Variants in SLC13A1 observed in about 807,000 individuals in gnomAD.
SLC13A1 encodes the protein Na(+)/sulfate cotransporter.
SLC13A1 carries 65 observed loss-of-function variants against 70.0 expected under a neutral mutation model. That is an observed-to-expected ratio of 0.93 (90% confidence interval 0.76 to 1.14). The LOEUF (loss-of-function observed/expected upper bound fraction) is 1.14. Among genes scored for constraint, SLC13A1 ranks in the 50% most tolerant of loss-of-function variants. SLC13A1 has a pLI of 0.00. For missense variants in SLC13A1, 726 were observed against 717.8 expected, an observed-to-expected ratio of 1.01 and a Z score of -0.13; for synonymous variants, 275 against 250.5, an observed-to-expected ratio of 1.10 and a Z score of -0.92.
At chr7:123,181,187 G>T in intron 1 of SLC13A1, 86 bp from the exon 2 acceptor site, 1 of 1,399,694 alleles carries the variant, frequency 7.1e-7, no homozygotes, top group Non-Finnish European at 9.8e-7. Flanking sequence ...GCTTAATAGA[G>T]CCATGTCACA....
intron 12 of SLC13A1, among the ~76,000 whole-genome samples, chr7:123,120,024 C>G (rs1186328858): frequency 6.6e-6 from 1 of 152,026 alleles, no homozygotes; most frequent in African/African-American, 2.4e-5. Flanking sequence ...AAACTCCCCA[C>G]AAATAGATGA....
intron 12 of SLC13A1, among the ~76,000 whole-genome samples, chr7:123,122,549 T>C (rs1793418958): frequency 6.6e-6 from 1 of 152,146 alleles, no homozygotes; most frequent in African/African-American, 2.4e-5. Flanking sequence ...TCAAATAAAG[T>C]CAACCAACAT....
In SLC13A1 at chr7:123,190,522, C is replaced by T. The variant is rs73718304; in HGVS notation, c.99+9326G>A. 3,228 of 456,296 alleles carry T rather than the reference C, an allele frequency of 7.1e-3. 85 individuals carry two copies. Among genetic ancestry groups the T allele is most frequent in the African/African-American group, 0.059 (2,971 of 50,150 alleles). 28.3% of individuals were successfully genotyped at this position (456,296 alleles called of 1,614,324 possible). On this transcript the variant is annotated intron_variant, in intron 1 of 14. Transcript: ENST00000194130. The stretch of plus-strand genomic sequence containing the variant: ...TTAAATTCTGAGACTGGTCACTGGA[C>T]GGAGGCCCTCCTGGTCAGTCAGTCA...
intron 6 of SLC13A1, among the ~76,000 whole-genome samples, chr7:123,166,579 G>T (rs1005646960): frequency 1.3e-5 from 2 of 151,936 alleles, no homozygotes; most frequent in African/African-American, 4.8e-5. Flanking sequence ...AGTGTGTGAC[G>T]TTCCCCTTCC....
chr7:123,197,519 G>T (rs960488691), intron 1 of SLC13A1, among the ~76,000 whole-genome samples: 2 of 152,006 alleles, frequency 1.3e-5, no homozygotes, highest in African/African-American at 2.4e-5. Flanking sequence ...AAAATAATTT[G>T]CTTTCATTGT....
Position 123,141,927 on chromosome 7 carries a change from A to G in SLC13A1, c.812+5232T>C, listed in dbSNP as rs568246812. On this transcript the variant is annotated intron_variant, in intron 7 of 14. Coordinates refer to ENST00000194130, the MANE Select transcript of SLC13A1 (RefSeq NM_022444.4). Reference sequence around the variant, plus strand: ...GGAGAGTTTAGTCCACTTACATTCAATGTTACTATTGATAAGTAAGGACTT... The same window carrying G: ...GGAGAGTTTAGTCCACTTACATTCAGTGTTACTATTGATAAGTAAGGACTT... 7.2e-5 allele frequency among the ~76,000 whole-genome samples: 11 copies of G among 152,150 alleles called. No homozygotes were observed. In the East Asian group the frequency reaches 9.7e-4, roughly 13 times the overall value.
At position 123,175,364 on chromosome 7, in the gene SLC13A1, T is replaced by C. The variant is rs564743777; in HGVS notation, c.229-3460A>G. ...TTTATTATTGAAAAATGAATAAAGA[T>C]TTAAGTTTTCATTTTCCCTTATCTC... On this transcript the variant is annotated intron_variant, in intron 2 of 14. Coordinates refer to ENST00000194130, the MANE Select transcript of SLC13A1 (RefSeq NM_022444.4). Among the ~76,000 whole-genome samples the C allele has an allele frequency of 2.0e-5, 3 of 152,218 alleles. No homozygotes were observed. The East Asian group carries it at 5.8e-4, about 29-fold the overall frequency.
rs150578726 is a variant in SLC13A1, at chr7:123,148,006, G to A, written c.661-696C>T. Among the ~76,000 whole-genome samples the A allele has an allele frequency of 6.3e-4, 96 of 152,086 alleles. 3 individuals carry two copies. In the East Asian group the frequency reaches 0.018, roughly 29 times the overall value. ...CACACCTTAATGGATGGTTCCCAGG[G>A]GATATTACTCCTGAAGTGGAATGTT... On this transcript the variant is annotated intron_variant, in intron 6 of 14. Coordinates refer to ENST00000194130, the MANE Select transcript of SLC13A1 (RefSeq NM_022444.4).
intron 12 of SLC13A1, among the ~76,000 whole-genome samples, chr7:123,122,398 T>C (rs76279305): frequency 0.015 from 2,221 of 152,232 alleles, 30 homozygotes; most frequent in East Asian, 0.027. Context: ...AATGAGTGGT[T>C]TTAATTAATC....
intron 14 of SLC13A1, among the ~76,000 whole-genome samples, chr7:123,117,069 G>C (rs1793204421): frequency 6.6e-6 from 1 of 152,066 alleles, no homozygotes; most frequent in South Asian, 2.1e-4. Context: ...AGGAAATGTT[G>C]GTGCATAAAT....
At position 123,137,501 on chromosome 7, in the gene SLC13A1, T is replaced by C. The variant is rs542549572; in HGVS notation, c.813-2972A>G. Among the ~76,000 whole-genome samples, 6 of 152,298 alleles carry C rather than the reference T, an allele frequency of 3.9e-5. No homozygotes were observed. The South Asian group carries it at 1.2e-3, about 32-fold the overall frequency. On this transcript the variant is annotated intron_variant, in intron 7 of 14. Transcript: ENST00000194130. ...TGGCCTGAAGAAGCAAACATCCTGT[T>C]GTCAGAGGAAGGGGCCCTGTAGCAA...
chr7:123,145,981 G>C (rs970876883), intron 7 of SLC13A1, among the ~76,000 whole-genome samples: 1 of 152,026 alleles, frequency 6.6e-6, no homozygotes, highest in African/African-American at 2.4e-5. Flanking sequence ...CCCAAATCCT[G>C]TTCCTAGGCT....
At chr7:123,147,576 G>T (rs1794405518) in intron 6 of SLC13A1, among the ~76,000 whole-genome samples, 1 of 151,378 alleles carries the variant, frequency 6.6e-6, no homozygotes, top group Non-Finnish European at 1.5e-5. Flanking sequence ...TATGGAAAAA[G>T]CCACAAGAAG....
At chr7:123,123,293 G>A in intron 11 of SLC13A1, 58 bp from the exon 12 acceptor site, 1 of 1,078,604 alleles carries the variant, frequency 9.3e-7, no homozygotes, top group South Asian at 1.3e-5. Flanking sequence ...TATGACATTT[G>A]CTTCAGCATC....
At chr7:123,123,071 C>T (rs1793439605) in intron 12 of SLC13A1, 55 bp downstream of exon 12, 3 of 1,306,012 alleles carry the variant, frequency 2.3e-6, no homozygotes, top group Non-Finnish European at 3.3e-6. Context: ...TGTCTCTGTG[C>T]TCTTCTTTTG....
rs112153839 is a variant in SLC13A1 at position 123,147,537 on chromosome 7, C to CCTCTCT, written c.661-233_661-228dup. ...AGAGGACACATGAGAGAGCTTGATT[C>CCTCTCT]CTCTCTCTCTCTCTCTCTCTCTCTC... On this transcript the variant is annotated intron_variant, in intron 6 of 14. Transcript: ENST00000194130. Among the ~76,000 whole-genome samples the CCTCTCT allele has an allele frequency of 2.3e-3, 343 of 147,854 alleles. 3 individuals are homozygous for CCTCTCT. Among genetic ancestry groups the CCTCTCT allele is most frequent in the African/African-American group, 6.9e-3 (276 of 40,196 alleles).
intron 12 of SLC13A1, among the ~76,000 whole-genome samples, chr7:123,122,084 A>AT (rs1268044343): frequency 2.6e-5 from 4 of 152,074 alleles, no homozygotes; most frequent in Admixed American, 6.6e-5. Context: ...GTTTCCTCAG[A>AT]TTTTGTATGC....
At chr7:123,117,361 G>A in intron 14 of SLC13A1, 110 bp downstream of exon 14, 3 of 1,073,102 alleles carry the variant, frequency 2.8e-6, no homozygotes, top group Non-Finnish European at 4.1e-6. Context: ...CAGAATTCAG[G>A]CCCTGCTTTT....
At chr7:123,168,891 TGA>T (rs778636911) in intron 4 of SLC13A1, among the ~76,000 whole-genome samples, 2 of 152,126 alleles carry the variant, frequency 1.3e-5, no homozygotes, top group Non-Finnish European at 2.9e-5. Flanking sequence ...GATAAAGACA[TGA>T]GAGAGTGTTC....
Sources: gnomAD v4.1 joint callset for allele counts (sites outside exome capture counted in the v4.1 genomes callset) on GRCh38, gnomAD v4.1.1 for gene constraint, MANE v1.5 for transcripts, NCBI Gene and HGNC (gene_info 2026-07-23, HGNC 2026-07-21) for gene names.